PLOD2: variants seen among roughly 807,000 people sequenced by gnomAD.
The protein encoded by PLOD2 is procollagen-lysine,2-oxoglutarate 5-dioxygenase 2, also known as lysine hydroxylase 2.
In PLOD2, 65 loss-of-function variants were observed where a neutral mutation model predicts 101.0. The observed-to-expected ratio is 0.64, with a 90% CI of 0.53 to 0.79. The LOEUF (loss-of-function observed/expected upper bound fraction) is 0.79. Among genes scored for constraint, PLOD2 ranks in the 30% least tolerant of loss-of-function variants. The pLI, the probability that PLOD2 is intolerant of heterozygous loss-of-function variation, is 0.00. For missense variants in PLOD2, 909 were observed against 914.6 expected (o/e 0.99, Z 0.08); for synonymous variants, 314 against 302.9 (o/e 1.04, Z -0.38).
At chr3:146,151,214 T>C (rs902198580) in intron 1 of PLOD2, among the ~76,000 whole-genome samples, 1 of 152,154 alleles carries the variant, frequency 6.6e-6, no homozygotes, top group Non-Finnish European at 1.5e-5. Context: ...TCAAGAGACA[T>C]TGGCCAAGCA....
chr3:146,136,103 C>T (rs1220980711), intron 1 of PLOD2, among the ~76,000 whole-genome samples: 2 of 151,968 alleles, frequency 1.3e-5, no homozygotes, highest in Non-Finnish European at 1.5e-5. Flanking sequence ...TTTTTAAAAT[C>T]GGCCATTAAT....
chr3:146,084,629 C>A (rs78323335), intron 11 of PLOD2, among the ~76,000 whole-genome samples: 3,000 of 152,036 alleles, frequency 0.02, 93 homozygotes, highest in African/African-American at 0.069. Flanking sequence ...GACAAACAAA[C>A]TTAGTATCAT....
intron 17 of PLOD2, among the ~76,000 whole-genome samples, chr3:146,072,359 G>A (rs1576569187): frequency 3.3e-5 from 5 of 151,660 alleles, no homozygotes; most frequent in African/African-American, 4.8e-5. Flanking sequence ...TGAGAAACCC[G>A]CCCAAACTAA....
rs1239289782 is a variant in PLOD2 at position 146,072,412 on chromosome 3, T to C, written c.1848+149A>G. On this transcript the variant is annotated intron_variant, in intron 17 of 19. Transcript: ENST00000282903. ...TAAAAAAATTGGTTGGTGGGAGAAG[T>C]AGACTGAAATCAGAGCCTTGGCTAG... 6 of 655,212 alleles carry C rather than the reference T, an allele frequency of 9.2e-6. No individual in the cohort carries two copies. The Admixed American group carries it at 1.0e-4, about 11-fold the overall frequency. The allele number at this position is 655,212 out of a possible 1,614,324, so 40.6% of individuals were successfully genotyped here.
chr3:146,095,974 T>C (rs1217442446), intron 7 of PLOD2, among the ~76,000 whole-genome samples: 27 of 132,740 alleles, frequency 2.0e-4, no homozygotes, highest in Non-Finnish European at 3.8e-4. Flanking sequence ...CTCGGCTCAC[T>C]GCAACCTCCC....
intron 2 of PLOD2, 90 bp downstream of exon 2, chr3:146,124,048 T>C: frequency 1.3e-6 from 1 of 766,800 alleles, no homozygotes; most frequent in East Asian, 2.5e-5. Context: ...GCTATCTTCC[T>C]TGTGAGGATT....
At chr3:146,080,207 T>G (rs1936487582) in intron 12 of PLOD2, among the ~76,000 whole-genome samples, 2 of 151,476 alleles carry the variant, frequency 1.3e-5, no homozygotes, top group Non-Finnish European at 3.0e-5. Context: ...TGAAAGCAGA[T>G]AGTAACAAAC....
chr3:146,141,496 A>C (rs2031521343), intron 1 of PLOD2, among the ~76,000 whole-genome samples: 1 of 152,050 alleles, frequency 6.6e-6, no homozygotes, highest in African/African-American at 2.4e-5. Context: ...CCCTGACTCC[A>C]CACCACATTT....
rs116269286 is a variant in PLOD2, at chr3:146,076,555, G to A, written c.1677+227C>T. On this transcript the variant is annotated intron_variant, in intron 15 of 19. Transcript: ENST00000282903. Reference sequence around the variant, plus strand: ...TTCCAAATTCATTCCGACCAACAACGTACAAGCATTCCCTTTTCTCCGTAG... The same window carrying A: ...TTCCAAATTCATTCCGACCAACAACATACAAGCATTCCCTTTTCTCCGTAG... The A allele has an allele frequency of 0.014, 2,536 of 182,272 alleles. 60 individuals carry two copies. Among genetic ancestry groups the A allele is most frequent in the African/African-American group, 0.086 (2,281 of 26,412 alleles). The allele number at this position is 182,272 out of a possible 1,614,324, so 11.3% of individuals were successfully genotyped here. A position where few individuals can be genotyped will look rare whatever the true frequency, so the allele number is the denominator to read the frequency against.
rs1232848591 is a variant in PLOD2 at position 146,106,664 on chromosome 3, A to G, written c.503-20T>C. ...TAAATCCTGCAACACAGCAGAGAGA[A>G]AGTAGATAATTTAGGATTCAAAGAC... On this transcript the variant is annotated intron_variant, in intron 4 of 19. Transcript: ENST00000282903. 1.6e-6 allele frequency: 2 copies of G among 1,217,926 alleles called. No homozygotes were observed. Among genetic ancestry groups the G allele is most frequent in the Non-Finnish European group, 2.4e-6 (2 of 818,674 alleles). 75.4% of individuals were successfully genotyped at this position (1,217,926 alleles called of 1,614,324 possible).
intron 1 of PLOD2, among the ~76,000 whole-genome samples, chr3:146,136,306 T>G (rs577089789): frequency 6.6e-6 from 1 of 152,154 alleles, no homozygotes; most frequent in Admixed American, 6.5e-5. Context: ...ATATTACAGG[T>G]TGAGCATTCC....
At chr3:146,130,948 C>T (rs2030874177) in intron 1 of PLOD2, among the ~76,000 whole-genome samples, 1 of 152,094 alleles carries the variant, frequency 6.6e-6, no homozygotes, top group African/African-American at 2.4e-5. Context: ...GGAAGGGTTC[C>T]CATCATTCCT....
At chr3:146,077,641 C>A in intron 14 of PLOD2, 1 of 434,802 alleles carries the variant, frequency 2.3e-6, no homozygotes, top group South Asian at 4.9e-5. Flanking sequence ...TGTCACCTGT[C>A]AGCCATAAAA....
At chr3:146,142,146 T>C (rs1452306824) in intron 1 of PLOD2, among the ~76,000 whole-genome samples, 1 of 152,094 alleles carries the variant, frequency 6.6e-6, no homozygotes, top group Non-Finnish European at 1.5e-5. Context: ...AAAGTATTTA[T>C]CCCTTGAAAG....
At chr3:146,079,355 T>C (rs1158480218) in intron 12 of PLOD2, 98 bp from the exon 13 acceptor site, 26 of 849,046 alleles carry the variant, frequency 3.1e-5, no homozygotes, top group Non-Finnish European at 4.2e-5. Flanking sequence ...GTTTAGATTT[T>C]GTATACATAA....
At chr3:146,157,477 A>G (rs895911476) in intron 1 of PLOD2, among the ~76,000 whole-genome samples, 1 of 152,202 alleles carries the variant, frequency 6.6e-6, no homozygotes, top group Non-Finnish European at 1.5e-5. Context: ...AAAAGGAAGG[A>G]ACAGAAATTT....
At position 146,081,761 on chromosome 3, in the gene PLOD2, C is replaced by T; in HGVS notation, c.1335G>A (p.Val445=). 1 of 1,609,258 alleles carries T rather than the reference C, an allele frequency of 6.2e-7. No individual in the cohort carries two copies. The highest frequency in any genetic ancestry group is 2.2e-5 in the East Asian group (1 of 44,742). The change falls in exon 12 of 20, where the codon GTG becomes GTA. Residue 445 remains valine (V), a synonymous_variant. Coordinates refer to ENST00000282903, the MANE Select transcript of PLOD2 (RefSeq NM_182943.3). ...DGYYARSEDY[V]DIVQGNRVGV... ...ACACTCTATTCCCTTGAACAATATC[C>T]ACATAATCTTCAGATCGTGCATAGT...
Position 146,081,806 on chromosome 3 carries a change from T to C in PLOD2, c.1290A>G (p.Gly430=). The change falls in exon 12 of 20, where the codon GGA becomes GGG. Residue 430 remains glycine, a synonymous_variant. Transcript: ENST00000282903. ...RHGKLWSNFW[G]ALSPDGYYAR... ...CATAGTATCCATCAGGACTCAATGC[T>C]CCCCAGAAATTGGACCACAGCTTTC... 1.2e-6 allele frequency: 2 copies of C among 1,610,742 alleles called. No individual in the cohort carries two copies. Among genetic ancestry groups the C allele is most frequent in the Non-Finnish European group, 1.7e-6 (2 of 1,177,090 alleles).
chr3:146,124,820 G>A (rs1009813544), intron 1 of PLOD2, among the ~76,000 whole-genome samples: 45 of 151,992 alleles, frequency 3.0e-4, no homozygotes, highest in African/African-American at 1.1e-3. Context: ...TATTTATTGT[G>A]TTTTGGTTTC....
Sources: allele counts gnomAD v4.1 joint callset (sites outside exome capture counted in the v4.1 genomes callset), GRCh38; gene constraint gnomAD v4.1.1; transcripts MANE v1.5; gene names NCBI Gene and HGNC (gene_info 2026-07-23, HGNC 2026-07-21).